The following LNX1 variants were observed in gnomAD, a reference collection of about 807,000 sequenced individuals.
LNX1 encodes E3 ubiquitin-protein ligase LNX.
LNX1 carries 54 observed loss-of-function variants against 68.4 expected under a neutral mutation model. That is an observed-to-expected ratio of 0.79 (90% CI 0.63 to 0.99). LNX1 has a LOEUF of 0.99. Ranked by LOEUF, LNX1 falls within the 50% of genes least tolerant of loss-of-function variation. LNX1 has a pLI of 0.00. For missense variants in LNX1, 906 were observed against 926.4 expected (o/e 0.98, Z 0.29); for synonymous variants, 336 against 350.0 (o/e 0.96, Z 0.45).
At chr4:53,573,510 T>A in intron 2 of LNX1, 113 bp downstream of exon 2, 1 of 683,404 alleles carries the variant, frequency 1.5e-6, no homozygotes, top group Non-Finnish European at 2.5e-6. Context: ...GCTGTTTTTT[T>A]ATTTTGAATG....
At chr4:53,503,235 A>C (rs1725632137) in intron 4 of LNX1, among the ~76,000 whole-genome samples, 2 of 152,142 alleles carry the variant, frequency 1.3e-5, no homozygotes, top group Admixed American at 6.6e-5. Flanking sequence ...CCCATGAATC[A>C]CTAATGTTCT....
At chr4:53,523,731 C>T (rs1287651766) in intron 2 of LNX1, among the ~76,000 whole-genome samples, 1 of 152,164 alleles carries the variant, frequency 6.6e-6, no homozygotes, top group African/African-American at 2.4e-5. Context: ...TGAAGACAGA[C>T]CCAGATGCAT....
In LNX1 at chr4:53,503,191, C is replaced by T. The variant is rs569227509; in HGVS notation, c.775+4126G>A. On this transcript the variant is annotated intron_variant, in intron 4 of 10. Transcript: ENST00000263925. The stretch of plus-strand genomic sequence containing the variant: ...CTTGAGAATTAAAATCAACTTCCTC[C>T]AAACTCCTGTTAATGTTGATATTTT... 6.2e-4 allele frequency among the ~76,000 whole-genome samples: 95 copies of T among 152,268 alleles called. No homozygotes were observed. The South Asian group carries it at 6.4e-3, about 10-fold the overall frequency.
At chr4:53,597,439 G>A (rs1394367999) in intron 2 of LNX1, among the ~76,000 whole-genome samples, 1 of 152,126 alleles carries the variant, frequency 6.6e-6, no homozygotes, top group Non-Finnish European at 1.5e-5. Context: ...TGTGTTAGAG[G>A]GGTGCACTCC....
At chr4:53,465,727 A>T (rs1246830535) in intron 9 of LNX1, among the ~76,000 whole-genome samples, 1 of 152,136 alleles carries the variant, frequency 6.6e-6, no homozygotes, top group Non-Finnish European at 1.5e-5. Flanking sequence ...TTGCCTGTGT[A>T]TTCAAGTTAA....
chr4:53,461,406 A>C, intron 10 of LNX1, 29 bp downstream of exon 10: 1 of 1,536,332 alleles, frequency 6.5e-7, no homozygotes. Flanking sequence ...CATTTAATAC[A>C]AGTATTTTTG....
chr4:53,598,302 G>A (rs1238555639), intron 2 of LNX1, among the ~76,000 whole-genome samples: 2 of 151,224 alleles, frequency 1.3e-5, no homozygotes, highest in African/African-American at 4.9e-5. Context: ...GCACAATCAC[G>A]GTTTACTGTA....
chr4:53,608,215 G>T (rs544114530), intron 2 of LNX1, among the ~76,000 whole-genome samples: 4 of 152,202 alleles, frequency 2.6e-5, no homozygotes, highest in African/African-American at 7.2e-5. Context: ...TGTAAACTGT[G>T]CATCCTACAA....
At position 53,496,264 on chromosome 4, in the gene LNX1, G is replaced by A. The variant is rs1462455265; in HGVS notation, c.1109C>T (p.Pro370Leu). The stretch of plus-strand genomic sequence containing the variant: ...GTCATCTCGGGGTCTGTAGGCATCC[G>A]GGGCCTGTCCATTGTTCCTGCTGCG... The part of the protein sequence containing the change: ...KFRSRNNGQA[P>L]DAYRPRDDSF... The change falls in exon 6 of 11, where the codon CCG (proline) becomes CTG (leucine). Residue 370 changes from proline to leucine, a missense_variant. Coordinates refer to ENST00000263925, the MANE Select transcript of LNX1 (RefSeq NM_001126328.3). The A allele has an allele frequency of 2.5e-6, 4 of 1,614,002 alleles. No individual in the cohort carries two copies. The highest frequency in any genetic ancestry group is 3.4e-6 in the Non-Finnish European group (4 of 1,180,006).
chr4:53,514,921 T>C (rs1726649951), intron 2 of LNX1, among the ~76,000 whole-genome samples: 1 of 152,188 alleles, frequency 6.6e-6, no homozygotes, highest in Admixed American at 6.5e-5. Context: ...GGCTAAACAT[T>C]TTAATTTTAA....
At chr4:53,562,048 T>A (rs1448653269) in intron 2 of LNX1, among the ~76,000 whole-genome samples, 1 of 152,186 alleles carries the variant, frequency 6.6e-6, no homozygotes, top group African/African-American at 2.4e-5. Flanking sequence ...GAGGCAGAAA[T>A]CACAACTTAT....
upstream of LNX1, among the ~76,000 whole-genome samples, chr4:53,593,652 T>C (rs1304667317): frequency 6.6e-6 from 1 of 152,058 alleles, no homozygotes. Flanking sequence ...TATGCAGGGG[T>C]TAAAAAAAAT....
chr4:53,502,866 C>T (rs750145214), intron 4 of LNX1, among the ~76,000 whole-genome samples: 15 of 151,994 alleles, frequency 9.9e-5, no homozygotes, highest in Non-Finnish European at 1.8e-4. Context: ...ACTTTATTTG[C>T]TCATCCGTAA....
At chr4:53,478,135 T>G (rs1218796712) in intron 8 of LNX1, among the ~76,000 whole-genome samples, 1 of 152,234 alleles carries the variant, frequency 6.6e-6, no homozygotes, top group African/African-American at 2.4e-5. Context: ...ATACTTTCAC[T>G]TAATGAGTAT....
At chr4:53,570,712 C>T (rs1374747511) in intron 2 of LNX1, among the ~76,000 whole-genome samples, 1 of 146,574 alleles carries the variant, frequency 6.8e-6, no homozygotes, top group African/African-American at 2.5e-5. Flanking sequence ...AAAATATTTA[C>T]ATCTTGCATA....
intron 4 of LNX1, among the ~76,000 whole-genome samples, chr4:53,503,714 C>T (rs1048636135): frequency 6.6e-6 from 1 of 152,184 alleles, no homozygotes; most frequent in Non-Finnish European, 1.5e-5. Flanking sequence ...AAATCACCAG[C>T]TGTATTAGCC....
At chr4:53,625,060 G>A (rs1030623848) in intron 1 of LNX1, among the ~76,000 whole-genome samples, 12 of 152,058 alleles carry the variant, frequency 7.9e-5, no homozygotes, top group African/African-American at 2.2e-4. Flanking sequence ...TAGGCACATT[G>A]TACATACAGA....
chr4:53,484,400 TA>T (rs1724147716), intron 6 of LNX1, among the ~76,000 whole-genome samples: 1 of 151,794 alleles, frequency 6.6e-6, no homozygotes, highest in African/African-American at 2.4e-5. Context: ...CTTTCTCTAC[TA>T]AAAATACAAA....
intron 2 of LNX1, among the ~76,000 whole-genome samples, chr4:53,535,291 C>G (rs1384117585): frequency 6.6e-6 from 1 of 152,160 alleles, no homozygotes; most frequent in African/African-American, 2.4e-5. Flanking sequence ...TAAGCCATGA[C>G]TCTTTTAGTC....
Sources: gnomAD v4.1 joint callset for allele counts (sites outside exome capture counted in the v4.1 genomes callset) on GRCh38, gnomAD v4.1.1 for gene constraint, MANE v1.5 for transcripts, NCBI Gene and HGNC (gene_info 2026-07-23, HGNC 2026-07-21) for gene names.